DLG2: variants seen among roughly 807,000 people sequenced by gnomAD.
DLG2 encodes disks large homolog 2.
DLG2 carries 45 observed loss-of-function variants against 132.5 expected under a neutral mutation model. That is an observed-to-expected ratio of 0.34 (90% CI 0.27 to 0.44). The LOEUF is 0.44. Ranked by LOEUF, DLG2 falls within the 20% of genes least tolerant of loss-of-function variation. The pLI is 1.00. For missense variants in DLG2, 1,045 were observed against 1,196.9 expected (o/e 0.87, Z 1.87); for synonymous variants, 424 against 419.6 (o/e 1.01, Z -0.13).
intron 6 of DLG2, among the ~76,000 whole-genome samples, chr11:84,976,612 A>G (rs1397781910): frequency 6.6e-6 from 1 of 152,142 alleles, no homozygotes; most frequent in African/African-American, 2.4e-5. Context: ...CTAGACTTCT[A>G]TTTATTATTT....
chr11:84,220,383 A>T (rs1347120494), intron 8 of DLG2, among the ~76,000 whole-genome samples: 2 of 152,210 alleles, frequency 1.3e-5, no homozygotes, highest in Non-Finnish European at 2.9e-5. Context: ...GAGATTTACT[A>T]TTTACCATAG....
At chr11:84,432,850 C>T (rs1250240161) in intron 7 of DLG2, among the ~76,000 whole-genome samples, 1 of 151,906 alleles carries the variant, frequency 6.6e-6, no homozygotes, top group Non-Finnish European at 1.5e-5. Context: ...TGGTGAAAGC[C>T]CATCTCTACT....
At chr11:84,755,844 T>G (rs1011341518) in intron 6 of DLG2, among the ~76,000 whole-genome samples, 2 of 152,182 alleles carry the variant, frequency 1.3e-5, no homozygotes, top group Admixed American at 6.5e-5. Context: ...AAGGTCACTT[T>G]TAGTGTGAGA....
chr11:84,268,573 T>C (rs2097677207), intron 7 of DLG2, among the ~76,000 whole-genome samples: 1 of 151,546 alleles, frequency 6.6e-6, no homozygotes, highest in African/African-American at 2.4e-5. Context: ...GCCATTCTCC[T>C]GTCTCAGCCT....
chr11:85,231,984 T>C (rs2075326088), intron 4 of DLG2, among the ~76,000 whole-genome samples: 1 of 151,836 alleles, frequency 6.6e-6, no homozygotes, highest in South Asian at 2.1e-4. Flanking sequence ...GTATTTCCTA[T>C]GCAGATTATT....
chr11:84,729,066 T>A (rs1175786200), intron 6 of DLG2, among the ~76,000 whole-genome samples: 1 of 152,166 alleles, frequency 6.6e-6, no homozygotes, highest in Non-Finnish European at 1.5e-5. Context: ...TTTTGAAGGT[T>A]TTTTTGGGTC....
intron 6 of DLG2, among the ~76,000 whole-genome samples, chr11:84,819,665 G>C (rs561139811): frequency 6.6e-6 from 1 of 151,826 alleles, no homozygotes; most frequent in East Asian, 1.9e-4. Flanking sequence ...ACCTGCCAAG[G>C]AGAAGAATTT....
intron 3 of DLG2, among the ~76,000 whole-genome samples, chr11:85,584,413 T>C (rs964113002): frequency 1.3e-5 from 2 of 151,746 alleles, no homozygotes; most frequent in Admixed American, 6.6e-5. Context: ...CGTTGGTTGA[T>C]GGGCATTTAG....
intron 6 of DLG2, among the ~76,000 whole-genome samples, chr11:84,592,709 G>GA (rs1387033790): frequency 6.6e-6 from 1 of 151,330 alleles, no homozygotes; most frequent in East Asian, 1.9e-4. Context: ...CGACAAACAT[G>GA]AAAAAAAGCT....
intron 26 of DLG2, among the ~76,000 whole-genome samples, chr11:83,464,422 A>G (rs1270739974): frequency 6.6e-6 from 1 of 152,230 alleles, no homozygotes; most frequent in Non-Finnish European, 1.5e-5. Context: ...TGGGCAATTC[A>G]TGGCAGCTTT....
intron 5 of DLG2, 41 bp from the exon 6 acceptor site, chr11:85,111,776 G>A: frequency 7.0e-7 from 1 of 1,422,294 alleles, no homozygotes. Context: ...TATTTATTAT[G>A]GGCCAGTATG....
intron 6 of DLG2, among the ~76,000 whole-genome samples, chr11:84,920,927 T>G (rs2092723180): frequency 6.6e-6 from 1 of 152,120 alleles, no homozygotes; most frequent in Admixed American, 6.6e-5. Context: ...TTTCTATCCT[T>G]TGAATTTTAA....
intron 3 of DLG2, among the ~76,000 whole-genome samples, chr11:85,397,251 C>T (rs1366510391): frequency 6.6e-6 from 1 of 152,190 alleles, no homozygotes; most frequent in African/African-American, 2.4e-5. Context: ...CACCACCAGG[C>T]ATGCCTTATA....
At chr11:84,120,287 G>A (rs1341738299) in intron 9 of DLG2, among the ~76,000 whole-genome samples, 1 of 152,024 alleles carries the variant, frequency 6.6e-6, no homozygotes, top group Non-Finnish European at 1.5e-5. Flanking sequence ...GATAAACTAA[G>A]TAGACCCAAA....
At chr11:84,413,790 A>G (rs1243438930) in intron 7 of DLG2, among the ~76,000 whole-genome samples, 1 of 152,168 alleles carries the variant, frequency 6.6e-6, no homozygotes, top group Non-Finnish European at 1.5e-5. Flanking sequence ...TTTCCTCTGC[A>G]CTTATCCATC....
At chr11:83,791,991 A>G (rs767078126) in intron 17 of DLG2, among the ~76,000 whole-genome samples, 1 of 152,246 alleles carries the variant, frequency 6.6e-6, no homozygotes, top group Non-Finnish European at 1.5e-5. Context: ...TGAATAGATC[A>G]TAACATATAT....
chr11:84,188,873 A>C (rs2096341189), intron 8 of DLG2, among the ~76,000 whole-genome samples: 1 of 152,134 alleles, frequency 6.6e-6, no homozygotes, highest in African/African-American at 2.4e-5. Flanking sequence ...TACCCTCAAT[A>C]ATCACCCAGA....
intron 7 of DLG2, among the ~76,000 whole-genome samples, chr11:84,442,535 C>T (rs113011364): frequency 0.048 from 7,299 of 151,744 alleles, 504 homozygotes; most frequent in African/African-American, 0.15. Flanking sequence ...TCAGTGGGTG[C>T]GGGAGGCTAG....
chr11:85,087,034 G>A (rs2154174211), intron 6 of DLG2, among the ~76,000 whole-genome samples: 1 of 151,974 alleles, frequency 6.6e-6, no homozygotes, highest in East Asian at 1.9e-4. Flanking sequence ...CATTCCTATT[G>A]CTCTGTTCAT....
Sources: gnomAD v4.1 joint callset for allele counts (sites outside exome capture counted in the v4.1 genomes callset) on GRCh38, gnomAD v4.1.1 for gene constraint, MANE v1.5 for transcripts, NCBI Gene and HGNC (gene_info 2026-07-23, HGNC 2026-07-21) for gene names.